MYO3A: variants seen among roughly 807,000 people sequenced by gnomAD.
The protein encoded by MYO3A is myosin IIIA.
A neutral mutation model predicts 192.7 loss-of-function variants in MYO3A; 180 were observed. The ratio of observed to expected loss-of-function variants is 0.93; its 90% CI spans 0.83 to 1.06. The LOEUF (loss-of-function observed/expected upper bound fraction) is 1.06. Among genes scored for constraint, MYO3A ranks in the 50% least tolerant of loss-of-function variants. MYO3A has a pLI of 0.00. For synonymous variants in MYO3A, 628 were observed against 645.3 expected, an observed-to-expected ratio of 0.97 and a Z score of 0.41; for missense variants, 1,896 against 1,905.0, an observed-to-expected ratio of 1.00 and a Z score of 0.09.
chr10:26,059,372 A>G (rs568189600), intron 10 of MYO3A, among the ~76,000 whole-genome samples: 2 of 152,254 alleles, frequency 1.3e-5, no homozygotes, highest in African/African-American at 4.8e-5. Context: ...TGGCTCATTT[A>G]CTGGGAGTTT....
chr10:25,992,290 T>A (rs148071125), intron 4 of MYO3A, among the ~76,000 whole-genome samples: 1,854 of 152,262 alleles, frequency 0.012, 51 homozygotes, highest in African/African-American at 0.042. Context: ...TGAATGGGAG[T>A]TCACTCATGA....
chr10:26,036,186 G>T (rs552177340), intron 10 of MYO3A, among the ~76,000 whole-genome samples: 1 of 151,868 alleles, frequency 6.6e-6, no homozygotes, highest in Admixed American at 6.6e-5. Flanking sequence ...TGATCTGCCC[G>T]CCTCGACCTC....
chr10:25,952,286 A>G lies in MYO3A; in HGVS notation c.168+8A>G. The G allele has an allele frequency of 6.2e-7, 1 of 1,611,120 alleles. No individual in the cohort carries two copies. The highest frequency in any genetic ancestry group is 8.5e-7 in the Non-Finnish European group (1 of 1,178,152). ...ATTCTTGATCCAATTCACGTAAGTC[A>G]TATTTTTTCCTTCTAATTAGCTTTA... On this transcript the variant is annotated splice_region_variant and intron_variant, in intron 3 of 34. Coordinates refer to ENST00000642920, the MANE Select transcript of MYO3A (RefSeq NM_017433.5).
chr10:26,142,565 GT>G (rs1840225334), intron 20 of MYO3A, among the ~76,000 whole-genome samples: 1 of 152,150 alleles, frequency 6.6e-6, no homozygotes, highest in Non-Finnish European at 1.5e-5. Context: ...TATGCCATAT[GT>G]TTTTACTTTG....
At chr10:26,059,133 C>T (rs1311299370) in intron 10 of MYO3A, among the ~76,000 whole-genome samples, 1 of 152,098 alleles carries the variant, frequency 6.6e-6, no homozygotes, top group Non-Finnish European at 1.5e-5. Flanking sequence ...CATCTGAGAA[C>T]AAAGATAGTT....
chr10:26,135,966 CAA>C (rs55885370), intron 20 of MYO3A, among the ~76,000 whole-genome samples: 9 of 100,212 alleles, frequency 9.0e-5, no homozygotes, highest in African/African-American at 2.0e-4. Context: ...AACTCCATCT[CAA>C]AAAAAAAAAA....
chr10:26,139,091 A>T (rs940699392), intron 20 of MYO3A, among the ~76,000 whole-genome samples: 2 of 152,176 alleles, frequency 1.3e-5, no homozygotes, highest in African/African-American at 2.4e-5. Context: ...AATACTCCTA[A>T]TAATAGCTGA....
intron 11 of MYO3A, among the ~76,000 whole-genome samples, chr10:26,067,810 C>G (rs184594206): frequency 6.6e-6 from 1 of 151,954 alleles, no homozygotes; most frequent in Non-Finnish European, 1.5e-5. Context: ...AAGGTCAGGA[C>G]TTCTGTCCTG....
At chr10:25,990,662 TC>T (rs529338517) in intron 4 of MYO3A, among the ~76,000 whole-genome samples, 2 of 47,392 alleles carry the variant, frequency 4.2e-5, no homozygotes, top group Admixed American at 2.6e-4. Flanking sequence ...CCCTCCCCCC[TC>T]CCCCCACCCC....
chr10:26,108,818 C>T (rs1310372156), intron 17 of MYO3A, among the ~76,000 whole-genome samples: 1 of 152,102 alleles, frequency 6.6e-6, no homozygotes, highest in Non-Finnish European at 1.5e-5. Flanking sequence ...AAGACCTTAC[C>T]CCTAGAAGAT....
In MYO3A at chr10:26,199,374, G is replaced by A. The variant is rs549785336; in HGVS notation, c.4546-1891G>A. Among the ~76,000 whole-genome samples, 17 of 152,088 alleles carry A rather than the reference G, an allele frequency of 1.1e-4. No homozygotes were observed. In the South Asian group the frequency reaches 3.3e-3, roughly 30 times the overall value. ...TCGAGACCAGCCTGGGGAACATAGC[G>A]AAACCTTGTCTCCACAAAAACTACA... On this transcript the variant is annotated intron_variant, in intron 32 of 34. Coordinates refer to ENST00000642920, the MANE Select transcript of MYO3A (RefSeq NM_017433.5).
At chr10:26,031,982 T>C (rs1842820674) in intron 10 of MYO3A, among the ~76,000 whole-genome samples, 1 of 152,236 alleles carries the variant, frequency 6.6e-6, no homozygotes, top group Non-Finnish European at 1.5e-5. Context: ...ATTATTAACA[T>C]GTTAACATCT....
At chr10:26,128,320 C>A in intron 19 of MYO3A, 71 bp from the exon 20 acceptor site, 1 of 1,509,384 alleles carries the variant, frequency 6.6e-7, no homozygotes, top group Non-Finnish European at 9.2e-7. Context: ...CAAATGGTAA[C>A]TCTAAGATTC....
chr10:26,062,211 T>C (rs12775359), intron 10 of MYO3A, among the ~76,000 whole-genome samples: 71,363 of 151,342 alleles, frequency 0.47, 17,666 homozygotes, highest in Middle Eastern at 0.59. Context: ...CTAAATTATC[T>C]ACACAAGTGT....
At chr10:26,114,273 C>G (rs1352283970) in intron 17 of MYO3A, among the ~76,000 whole-genome samples, 1 of 152,176 alleles carries the variant, frequency 6.6e-6, no homozygotes, top group Non-Finnish European at 1.5e-5. Flanking sequence ...TCCCAGTCCT[C>G]TCTCACATGG....
intron 26 of MYO3A, among the ~76,000 whole-genome samples, chr10:26,160,453 G>C (rs927591418): frequency 6.6e-6 from 1 of 152,110 alleles, no homozygotes. Flanking sequence ...GACCAGCCTG[G>C]GCAATGTAGC....
chr10:25,997,909 A>G (rs986429709), intron 6 of MYO3A, among the ~76,000 whole-genome samples: 1 of 152,192 alleles, frequency 6.6e-6, no homozygotes, highest in Non-Finnish European at 1.5e-5. Flanking sequence ...TGAAATAATA[A>G]ATTTCCATAT....
chr10:26,138,374 A>G (rs948023044), intron 20 of MYO3A, among the ~76,000 whole-genome samples: 2 of 152,182 alleles, frequency 1.3e-5, no homozygotes, highest in Non-Finnish European at 1.5e-5. Context: ...TTCCCAACTA[A>G]TGGTACCTCA....
At chr10:26,028,457 A>G (rs535778395) in intron 10 of MYO3A, among the ~76,000 whole-genome samples, 1 of 152,354 alleles carries the variant, frequency 6.6e-6, no homozygotes, top group East Asian at 1.9e-4. Flanking sequence ...AAAGAAGCAG[A>G]TATGTAGTTT....
Sources: allele counts gnomAD v4.1 joint callset (sites outside exome capture counted in the v4.1 genomes callset), GRCh38; gene constraint gnomAD v4.1.1; transcripts MANE v1.5; gene names NCBI Gene and HGNC (gene_info 2026-07-23, HGNC 2026-07-21).